The following CACNA2D1 variants were observed in gnomAD, a reference collection of about 807,000 sequenced individuals.
CACNA2D1 encodes the protein voltage-dependent calcium channel subunit alpha-2/delta-1.
A neutral mutation model predicts 171.5 loss-of-function variants in CACNA2D1; 53 were observed. The observed-to-expected ratio is 0.31, with a 90% confidence interval of 0.25 to 0.39. The LOEUF (loss-of-function observed/expected upper bound fraction) is 0.39. CACNA2D1 is among the 10% of genes least tolerant of loss of function. The pLI, the probability that CACNA2D1 is intolerant of heterozygous loss-of-function variation, is 1.00. For missense variants in CACNA2D1, 903 were observed against 1,299.8 expected, an observed-to-expected ratio of 0.69 and a Z score of 4.69; for synonymous variants, 442 against 443.1, an observed-to-expected ratio of 1.00 and a Z score of 0.03.
intron 7 of CACNA2D1, among the ~76,000 whole-genome samples, chr7:82,072,237 T>A (rs1239925031): frequency 6.6e-6 from 1 of 152,108 alleles, no homozygotes; most frequent in Admixed American, 6.6e-5. Context: ...GGAATGTTCA[T>A]AATACAAAGA....
chr7:82,134,991 C>T (rs187971427), intron 5 of CACNA2D1, among the ~76,000 whole-genome samples: 146 of 152,144 alleles, frequency 9.6e-4, no homozygotes, highest in African/African-American at 3.4e-3. Flanking sequence ...AAGAAAATCA[C>T]CAATTTCAAT....
intron 7 of CACNA2D1, among the ~76,000 whole-genome samples, chr7:82,081,643 A>G (rs1336979974): frequency 6.6e-6 from 1 of 152,150 alleles, no homozygotes; most frequent in East Asian, 1.9e-4. Flanking sequence ...TTGCTTCCAC[A>G]GCTAATGTTT....
intron 3 of CACNA2D1, among the ~76,000 whole-genome samples, chr7:82,330,758 T>C (rs1406389438): frequency 6.6e-6 from 1 of 152,164 alleles, no homozygotes; most frequent in Non-Finnish European, 1.5e-5. Context: ...AATAGAACTT[T>C]ACAAAATACT....
At chr7:82,439,119 T>C (rs906225298) in intron 1 of CACNA2D1, among the ~76,000 whole-genome samples, 4 of 152,036 alleles carry the variant, frequency 2.6e-5, no homozygotes, top group Admixed American at 2.0e-4. Context: ...TATTGAGAAA[T>C]AGGGAAATCA....
intron 1 of CACNA2D1, among the ~76,000 whole-genome samples, chr7:82,420,714 T>A (rs1379324119): frequency 1.3e-5 from 2 of 152,156 alleles, no homozygotes; most frequent in Non-Finnish European, 1.5e-5. Context: ...GCATTATTTA[T>A]AAACAACAAC....
At chr7:82,351,149 A>C (rs1819801345) in intron 1 of CACNA2D1, among the ~76,000 whole-genome samples, 1 of 152,202 alleles carries the variant, frequency 6.6e-6, no homozygotes. Flanking sequence ...TTATATTTGA[A>C]TTTGAACTTT....
At chr7:82,315,653 G>C (rs1311205393) in intron 3 of CACNA2D1, among the ~76,000 whole-genome samples, 1 of 152,082 alleles carries the variant, frequency 6.6e-6, no homozygotes, top group Non-Finnish European at 1.5e-5. Flanking sequence ...AGACAAGGTG[G>C]TTTTTAAAAA....
rs75496280 is a variant in CACNA2D1, at chr7:82,409,382, T to C, written c.95+33983A>G. 9.4e-4 allele frequency among the ~76,000 whole-genome samples: 143 copies of C among 152,346 alleles called. 1 individual carries two copies. In the East Asian group the frequency reaches 0.025, roughly 26 times the overall value. On this transcript the variant is annotated intron_variant, in intron 1 of 38. Transcript: ENST00000356860. ...AGTTCCCCAATTTTTTAAAGGTCTA[T>C]TTCTTCTGGTAGCCTCTTAATACAG...
chr7:82,136,704 A>G, intron 4 of CACNA2D1, 28 bp from the exon 5 acceptor site: 1 of 1,475,246 alleles, frequency 6.8e-7, no homozygotes, highest in Non-Finnish European at 9.3e-7. Context: ...CGCTTTATTG[A>G]TTTTAATAAA....
Position 81,996,282 on chromosome 7 carries a change from A to G in CACNA2D1, c.1662+897T>C, listed in dbSNP as rs111925023. 9.5e-3 allele frequency among the ~76,000 whole-genome samples: 1,440 copies of G among 152,262 alleles called. 21 individuals are homozygous for G. The highest frequency in any genetic ancestry group is 0.033 in the African/African-American group (1,371 of 41,546). The stretch of plus-strand genomic sequence containing the variant: ...CCCCATTACTTTATCCTACTTTATT[A>G]TGTCAATTACTTTACAACAAATACT... On this transcript the variant is annotated intron_variant, in intron 19 of 38. Coordinates refer to ENST00000356860, the MANE Select transcript of CACNA2D1 (RefSeq NM_000722.4).
chr7:82,311,874 C>T (rs1000146098), intron 3 of CACNA2D1, among the ~76,000 whole-genome samples: 5 of 152,158 alleles, frequency 3.3e-5, no homozygotes, highest in African/African-American at 1.2e-4. Flanking sequence ...CTTGCCTACA[C>T]AGTTCCCTTA....
At chr7:82,271,317 T>C (rs1478388677) in intron 3 of CACNA2D1, among the ~76,000 whole-genome samples, 1 of 152,110 alleles carries the variant, frequency 6.6e-6, no homozygotes. Context: ...AAGACCTGAG[T>C]CATTCATTTT....
In CACNA2D1 at chr7:82,189,029, C is replaced by T. The variant is rs1055961131; in HGVS notation, c.295-18420G>A. ...CTGGGACCTACTTGAGTGTAGAGGGCGGGAGGAGGGTGAAGATAGAAAAAG... is the reference window on the plus strand; with the variant it reads ...CTGGGACCTACTTGAGTGTAGAGGGTGGGAGGAGGGTGAAGATAGAAAAAG... On this transcript the variant is annotated intron_variant, in intron 3 of 38. Transcript: ENST00000356860. Among the ~76,000 whole-genome samples the T allele has an allele frequency of 4.0e-5, 6 of 151,672 alleles. No homozygotes were observed. The East Asian group carries it at 7.7e-4, about 20-fold the overall frequency.
intron 3 of CACNA2D1, among the ~76,000 whole-genome samples, chr7:82,230,097 G>A (rs1215105186): frequency 3.3e-5 from 5 of 152,060 alleles, no homozygotes; most frequent in Non-Finnish European, 7.4e-5. Flanking sequence ...GAATTTTCAC[G>A]AACTGAAACA....
At chr7:82,284,518 T>C (rs1042662844) in intron 3 of CACNA2D1, among the ~76,000 whole-genome samples, 1 of 152,222 alleles carries the variant, frequency 6.6e-6, no homozygotes, top group Non-Finnish European at 1.5e-5. Flanking sequence ...TTCTCAGTTC[T>C]GAAGGCTGGC....
intron 1 of CACNA2D1, among the ~76,000 whole-genome samples, chr7:82,356,601 C>T (rs191835379): frequency 4.2e-4 from 64 of 151,916 alleles, no homozygotes; most frequent in Middle Eastern, 6.8e-3. Flanking sequence ...ATAGCAGACA[C>T]ATAAGTATTT....
intron 1 of CACNA2D1, among the ~76,000 whole-genome samples, chr7:82,420,503 CT>C (rs1204103293): frequency 6.6e-6 from 1 of 152,128 alleles, no homozygotes; most frequent in Non-Finnish European, 1.5e-5. Context: ...GAAACTTGCA[CT>C]GCTTTTAACC....
At chr7:82,184,925 C>T (rs1318577922) in intron 3 of CACNA2D1, among the ~76,000 whole-genome samples, 1 of 152,094 alleles carries the variant, frequency 6.6e-6, no homozygotes, top group African/African-American at 2.4e-5. Context: ...GTACATACTC[C>T]CATTAGTTCC....
intron 19 of CACNA2D1, 53 bp downstream of exon 19, chr7:81,997,126 T>A: frequency 1.1e-6 from 1 of 952,210 alleles, no homozygotes. Context: ...GTAGAATGAG[T>A]GCATACCAGC....
Sources: allele counts gnomAD v4.1 joint callset (sites outside exome capture counted in the v4.1 genomes callset), GRCh38; gene constraint gnomAD v4.1.1; transcripts MANE v1.5; gene names NCBI Gene and HGNC (gene_info 2026-07-23, HGNC 2026-07-21).